PDE5A: variants seen among roughly 807,000 people sequenced by gnomAD.
PDE5A encodes phosphodiesterase 5A.
Under a neutral mutation model 110.2 loss-of-function variants are expected in PDE5A, and 67 were observed. That is an observed-to-expected ratio of 0.61 (90% confidence interval 0.50 to 0.75). PDE5A has a LOEUF of 0.75. Among genes scored for constraint, PDE5A ranks in the 30% least tolerant of loss-of-function variants. The probability of loss-of-function intolerance (pLI) is 0.00; values close to 1 mark genes in which losing one functional copy is unlikely to be tolerated. For missense variants in PDE5A, 862 were observed against 1,045.1 expected (o/e 0.82, Z 2.42); for synonymous variants, 328 against 351.2 (o/e 0.93, Z 0.74).
rs540431034 is a variant in PDE5A, at chr4:119,551,362, A to G, written c.1396+1188T>C. ...ATTCTCTTCCCATGAGCTAACCTACACTGGAAAAGAAAGTAATCAGTACAA... is the reference window on the plus strand; with the variant it reads ...ATTCTCTTCCCATGAGCTAACCTACGCTGGAAAAGAAAGTAATCAGTACAA... On this transcript the variant is annotated intron_variant, in intron 9 of 20. Transcript: ENST00000354960. 4.6e-5 allele frequency among the ~76,000 whole-genome samples: 7 copies of G among 152,286 alleles called. No homozygotes were observed. In the East Asian group the frequency reaches 5.8e-4, roughly 13 times the overall value.
intron 2 of PDE5A, among the ~76,000 whole-genome samples, chr4:119,598,209 A>G (rs1729222112): frequency 6.6e-6 from 1 of 152,172 alleles, no homozygotes; most frequent in African/African-American, 2.4e-5. Context: ...CAACTACCTA[A>G]TCAAAGCAGT....
intron 3 of PDE5A, among the ~76,000 whole-genome samples, chr4:119,580,348 C>G (rs1376507703): frequency 6.6e-6 from 1 of 152,168 alleles, no homozygotes; most frequent in Non-Finnish European, 1.5e-5. Context: ...TGTCCAGAGA[C>G]AGAACAGCGC....
At chr4:119,601,007 G>A (rs1427177562) in intron 2 of PDE5A, among the ~76,000 whole-genome samples, 3 of 152,112 alleles carry the variant, frequency 2.0e-5, no homozygotes, top group African/African-American at 4.8e-5. Flanking sequence ...CACTACGAAG[G>A]TGTGTGGTAC....
At chr4:119,592,958 T>G (rs1212486328) in intron 3 of PDE5A, among the ~76,000 whole-genome samples, 1 of 152,042 alleles carries the variant, frequency 6.6e-6, no homozygotes, top group Non-Finnish European at 1.5e-5. Context: ...CCAAACCCAC[T>G]TCAATCAGAT....
At chr4:119,543,547 CATTTTACAG>C (rs1727023308) in intron 9 of PDE5A, among the ~76,000 whole-genome samples, 1 of 152,156 alleles carries the variant, frequency 6.6e-6, no homozygotes, top group Admixed American at 6.5e-5. Context: ...TGACTATTCT[CATTTTACAG>C]ATGAGGAAAC....
At chr4:119,548,008 C>G (rs2110491870) in intron 9 of PDE5A, among the ~76,000 whole-genome samples, 1 of 151,204 alleles carries the variant, frequency 6.6e-6, no homozygotes, top group African/African-American at 2.4e-5. Context: ...ATATTTCAGG[C>G]CCACTGTGAT....
intron 19 of PDE5A, among the ~76,000 whole-genome samples, chr4:119,501,976 T>G (rs965753260): frequency 1.3e-5 from 2 of 151,910 alleles, no homozygotes; most frequent in Non-Finnish European, 2.9e-5. Flanking sequence ...GAAACACTGC[T>G]CTGAACACAC....
intron 4 of PDE5A, 70 bp from the exon 5 acceptor site, chr4:119,565,480 A>T (rs1727898755): frequency 3.1e-6 from 3 of 966,180 alleles, no homozygotes; most frequent in South Asian, 2.8e-5. Flanking sequence ...TGAAATACAG[A>T]TCCTCAAATA....
rs55997249 is a variant in PDE5A at position 119,592,456 on chromosome 4, T to TAAAAAAAAAAAA, written c.831+4055_831+4066dup. Among the ~76,000 whole-genome samples the TAAAAAAAAAAAA allele has an allele frequency of 2.5e-3, 167 of 66,182 alleles. 7 individuals are homozygous for TAAAAAAAAAAAA. The highest frequency in any genetic ancestry group is 2.8e-3 in the African/African-American group (43 of 15,316). 43.4% of individuals were successfully genotyped at this position (66,182 alleles called of 152,430 possible). On this transcript the variant is annotated intron_variant, in intron 3 of 20. Transcript: ENST00000354960. The stretch of plus-strand genomic sequence containing the variant: ...CTGGGTGACAGAGCGAGACTCTGTT[T>TAAAAAAAAAAAA]AAAAAAAAAAAAAAAAAAAAAAAAA...
In PDE5A at chr4:119,607,259, G is replaced by A; in HGVS notation, c.191C>T (p.Thr64Ile). Reference sequence around the variant, plus strand: ...GATACCTTCCTTGCACACAGGGATGGTGTGAACTCTCTCAGCAAACCATGC... The same window carrying A: ...GATACCTTCCTTGCACACAGGGATGATGTGAACTCTCTCAGCAAACCATGC... Reference protein sequence around the residue: ...VNAWFAERVHTIPVCKEGIRG... With the variant: ...VNAWFAERVHIIPVCKEGIRG... The change falls in exon 2 of 21, where the codon ACC becomes ATC. Residue 64 changes from threonine to isoleucine, a missense_variant. Thr to Ile is a moderately conservative substitution (Grantham distance 89). Coordinates refer to ENST00000354960, the MANE Select transcript of PDE5A (RefSeq NM_001083.4). 1 of 1,613,008 alleles carries A rather than the reference G, an allele frequency of 6.2e-7. No individual in the cohort carries two copies. Among genetic ancestry groups the A allele is most frequent in the Non-Finnish European group, 8.5e-7 (1 of 1,179,928 alleles).
intron 10 of PDE5A, 92 bp downstream of exon 10, chr4:119,542,367 C>T (rs1726960077): frequency 2.7e-5 from 32 of 1,167,988 alleles, no homozygotes; most frequent in South Asian, 5.0e-5. Flanking sequence ...GACACAATGA[C>T]GGAACACACA....
chr4:119,542,631 AC>A lies in PDE5A; in HGVS notation c.1399del (p.Val467PhefsTer77). 6.2e-7 allele frequency: 1 copy of A among 1,610,886 alleles called. No homozygotes were observed. The highest frequency in any genetic ancestry group is 1.1e-5 in the South Asian group (1 of 90,804). On this transcript the variant is annotated frameshift_variant and splice_region_variant, in exon 10 of 21. Transcript: ENST00000354960. LOFTEE classifies it high-confidence loss of function. Reference sequence around the variant, plus strand: ...CTCCATCTTATTAACAAGTTGGCAAACCCCTATAACAATCCGAGAAATTGAG... The same window carrying A: ...CTCCATCTTATTAACAAGTTGGCAAACCCTATAACAATCCGAGAAATTGAG... ...KNGKKNKVIG[V>X]CQLVNKMEEN...
intron 1 of PDE5A, among the ~76,000 whole-genome samples, chr4:119,613,156 T>A (rs1261206062): frequency 6.6e-6 from 1 of 152,206 alleles, no homozygotes; most frequent in African/African-American, 2.4e-5. Flanking sequence ...CTGAAGATAA[T>A]TGTTTATGGC....
intron 1 of PDE5A, among the ~76,000 whole-genome samples, chr4:119,610,552 G>A (rs1327002420): frequency 1.3e-5 from 2 of 152,068 alleles, no homozygotes; most frequent in Non-Finnish European, 1.5e-5. Flanking sequence ...ACTCCACGTG[G>A]ATATCTAGAC....
intron 3 of PDE5A, among the ~76,000 whole-genome samples, chr4:119,572,020 T>G (rs1373223421): frequency 1.3e-5 from 2 of 152,280 alleles, no homozygotes; most frequent in African/African-American, 4.8e-5. Context: ...CTTACATGGG[T>G]CTTTGGGTTA....
intron 18 of PDE5A, among the ~76,000 whole-genome samples, chr4:119,503,799 A>T (rs1360387942): frequency 6.6e-6 from 1 of 152,118 alleles, no homozygotes; most frequent in East Asian, 1.9e-4. Context: ...CTTTCTTAAT[A>T]TATCTTACAA....
At position 119,562,849 on chromosome 4, in the gene PDE5A, A is replaced by C; in HGVS notation, c.1115T>G (p.Val372Gly). The C allele has an allele frequency of 6.3e-7, 1 of 1,575,458 alleles. No homozygotes were observed. The highest frequency in any genetic ancestry group is 8.6e-7 in the Non-Finnish European group (1 of 1,166,584). Residue 372 changes from valine to glycine, a missense_variant, in exon 6 of 21, where the codon GTG becomes GGG. By Grantham distance (109) the Val-to-Gly change is moderately radical. Transcript: ENST00000354960. ...MQVQKCTIFI[V>G]DEDCSDSFSS... ...TGTACTCACGGAGCAATCTTCATCC[A>C]CTATGAAAATGGTGCATTTCTGCAC...
intron 9 of PDE5A, among the ~76,000 whole-genome samples, chr4:119,544,945 A>T (rs1191664398): frequency 1.3e-5 from 2 of 152,202 alleles, no homozygotes; most frequent in Admixed American, 1.3e-4. Context: ...GAGCAGAACA[A>T]CTAAAGTATA....
chr4:119,509,965 A>C (rs190168365), intron 15 of PDE5A, among the ~76,000 whole-genome samples: 24 of 152,134 alleles, frequency 1.6e-4, no homozygotes, highest in African/African-American at 5.8e-4. Context: ...TATCAGTACC[A>C]GTCTGTTAAG....
Sources: gnomAD v4.1 joint callset for allele counts (sites outside exome capture counted in the v4.1 genomes callset) on GRCh38, gnomAD v4.1.1 for gene constraint, MANE v1.5 for transcripts, NCBI Gene and HGNC (gene_info 2026-07-23, HGNC 2026-07-21) for gene names.